FHOD1: variants seen among roughly 807,000 people sequenced by gnomAD.
FHOD1 encodes formin homology 2 domain containing 1.
FHOD1 carries 89 observed loss-of-function variants against 111.6 expected under a neutral mutation model. That is an observed-to-expected ratio of 0.80 (90% CI 0.67 to 0.95). The LOEUF is 0.95. Ranked by LOEUF, FHOD1 falls within the 40% of genes least tolerant of loss-of-function variation. FHOD1 has a pLI of 0.00. For synonymous variants in FHOD1, 618 were observed against 639.0 expected (o/e 0.97, Z 0.50); for missense variants, 1,446 against 1,554.2 (o/e 0.93, Z 1.17).
At position 67,230,135 on chromosome 16, in the gene FHOD1, T is replaced by G; in HGVS notation, c.3145A>C (p.Ser1049Arg). The change falls in exon 20 of 22, where the codon AGT becomes CGT. Residue 1049 changes from serine to arginine, a missense_variant. Coordinates refer to ENST00000258201, the MANE Select transcript of FHOD1 (RefSeq NM_013241.3). ...AGCAGACTCTTCATACTAGCATGACTGTCAGCATCTCCCCGGCCTGGCCCG... is the reference window on the plus strand; with the variant it reads ...AGCAGACTCTTCATACTAGCATGACGGTCAGCATCTCCCCGGCCTGGCCCG... ...SSGPGRGDADSHASMKSLLTS... is the reference protein window; with the variant it reads ...SSGPGRGDADRHASMKSLLTS... The G allele has an allele frequency of 6.2e-7, 1 of 1,614,204 alleles. No homozygotes were observed.
rs199498142 is a variant in FHOD1, at chr16:67,231,491, G to A, written c.2444C>T (p.Ala815Val). The A allele has an allele frequency of 6.2e-7, 1 of 1,614,134 alleles. No homozygotes were observed. Among genetic ancestry groups the A allele is most frequent in the East Asian group, 2.2e-5 (1 of 44,878 alleles). ...KVGMEQLVQN[A>V]TFRCILATLL... ...GGTAGCCAGGATGCAGCGGAAGGTG[G>A]CATTCTGTACCAGCTGTTCCATACC... Residue 815 changes from alanine (A) to valine (V), a missense_variant, in exon 16 of 22, where the codon GCC (alanine) becomes GTC (valine). Ala to Val is a moderately conservative substitution (Grantham distance 64). This residue lies in a region of FHOD1 where 1,085 missense variants were observed against 1,108.8 expected (regional missense o/e 0.98). Transcript: ENST00000258201. This position sits in a 1 kb window ranked among gnomAD's most constrained non-coding sequence, Gnocchi z 4.3.
rs981011645 is a variant in FHOD1 at position 67,241,125 on chromosome 16, C to T, written c.202-1671G>A. Among the ~76,000 whole-genome samples, 11 of 130,078 alleles carry T rather than the reference C, an allele frequency of 8.5e-5. 1 individual carries two copies. The highest frequency in any genetic ancestry group is 1.5e-4 in the Non-Finnish European group (9 of 60,822). 85.3% of individuals were successfully genotyped at this position (130,078 alleles called of 152,430 possible). A position where few individuals can be genotyped will look rare whatever the true frequency, so the allele number is the denominator to read the frequency against. On this transcript the variant is annotated intron_variant, in intron 1 of 21. Coordinates refer to ENST00000258201, the MANE Select transcript of FHOD1 (RefSeq NM_013241.3). The stretch of plus-strand genomic sequence containing the variant: ...GGGGCCCTTGGATGACCCCCCCCCC[C>T]GCCCACCCCCGCCTGGGACCTGGGA...
rs2034163863 is a variant in FHOD1, at chr16:67,229,584, A to C, written c.*52T>G. The C allele has an allele frequency of 6.6e-7, 1 of 1,512,894 alleles. No homozygotes were observed. The highest frequency in any genetic ancestry group is 1.4e-5 in the African/African-American group (1 of 73,092). 93.7% of individuals were successfully genotyped at this position (1,512,894 alleles called of 1,614,324 possible). ...TGCTCTGGGCCCTCCTCACTCTGTCATCTCCTGCACTGCAGTCCAGGGTCC... is the reference window on the plus strand; with the variant it reads ...TGCTCTGGGCCCTCCTCACTCTGTCCTCTCCTGCACTGCAGTCCAGGGTCC... On this transcript the variant is annotated 3_prime_UTR_variant, in exon 22 of 22. Transcript: ENST00000258201.
chr16:67,234,476 A>G lies in FHOD1; in HGVS notation c.1320-4T>C. ...CACATTCTCCAGGAACCGGGCTCTG[A>G]GGGAAGGTGCTTGTCACTGACAGCG... On this transcript the variant is annotated splice_polypyrimidine_tract_variant and splice_region_variant and intron_variant, in intron 11 of 21. Coordinates refer to ENST00000258201, the MANE Select transcript of FHOD1 (RefSeq NM_013241.3). 6.3e-7 allele frequency: 1 copy of G among 1,575,850 alleles called. No homozygotes were observed. The highest frequency in any genetic ancestry group is 1.2e-5 in the South Asian group (1 of 86,880).
In FHOD1 at chr16:67,231,022, C is replaced by T; in HGVS notation, c.2667+166G>A. 1.0e-6 allele frequency: 1 copy of T among 972,474 alleles called. No homozygotes were observed. Among genetic ancestry groups the T allele is most frequent in the Non-Finnish European group, 1.5e-6 (1 of 666,602 alleles). The allele number at this position is 972,474 out of a possible 1,614,324, so 60.2% of individuals were successfully genotyped here. ...CAAAGACTGAGTAGGTGTGGCCAGG[C>T]CAATAGAGGAAAGAGCATTTCTGGC... On this transcript the variant is annotated intron_variant, in intron 17 of 21. Coordinates refer to ENST00000258201, the MANE Select transcript of FHOD1 (RefSeq NM_013241.3). The surrounding 1 kb of genome is among the most constrained non-coding windows in gnomAD (Gnocchi z 4.3).
intron 11 of FHOD1, among the ~76,000 whole-genome samples, chr16:67,235,356 C>A (rs906018706): frequency 3.3e-5 from 5 of 152,058 alleles, no homozygotes; most frequent in Non-Finnish European, 4.4e-5. Flanking sequence ...ATGGTGAAAC[C>A]CTGTCTCTAC....
Position 67,237,087 on chromosome 16 carries a change from T to C in FHOD1, c.1021A>G (p.Ile341Val), listed in dbSNP as rs928377874. The C allele has an allele frequency of 8.7e-6, 14 of 1,612,380 alleles. No homozygotes were observed. The highest frequency in any genetic ancestry group is 1.2e-5 in the Non-Finnish European group (14 of 1,179,454). Residue 341 changes from isoleucine to valine, a missense_variant, in exon 10 of 22, where the codon ATC (isoleucine) becomes GTC (valine). Coordinates refer to ENST00000258201, the MANE Select transcript of FHOD1 (RefSeq NM_013241.3). This position sits in a 1 kb window ranked among gnomAD's most constrained non-coding sequence, Gnocchi z 5.6. Reference sequence around the variant, plus strand: ...CCACCAGCGCCTGGGGCTTCTTCGATGTCTCCATCCTCCAATTTCAGGGCG... The same window carrying C: ...CCACCAGCGCCTGGGGCTTCTTCGACGTCTCCATCCTCCAATTTCAGGGCG... ...ENALKLEDGDIEEAPGAGGRR... is the reference protein window; with the variant it reads ...ENALKLEDGDVEEAPGAGGRR...
Position 67,238,889 on chromosome 16 carries a change from T to TCTCACA in FHOD1, c.373+8_373+13dup, listed in dbSNP as rs2034588868. 1.9e-6 allele frequency: 3 copies of TCTCACA among 1,613,898 alleles called. No homozygotes were observed. The highest frequency in any genetic ancestry group is 2.5e-6 in the Non-Finnish European group (3 of 1,179,770). On this transcript the variant is annotated intron_variant, in intron 3 of 21. Coordinates refer to ENST00000258201, the MANE Select transcript of FHOD1 (RefSeq NM_013241.3). The surrounding 1 kb of genome is among the most constrained non-coding windows in gnomAD (Gnocchi z 4.2). ...AGGAGGTGCTGCTGGACATGGATGC[T>TCTCACA]CTCACACACTCACCCAAGATAGCGT...
chr16:67,238,809 C>T lies in FHOD1; in HGVS notation c.373+94G>A. ...GAGGAAGGAGCACATACAGCTAAACCTACTTTGCTCACTGTTCAGCACAGG... is the reference window on the plus strand; with the variant it reads ...GAGGAAGGAGCACATACAGCTAAACTTACTTTGCTCACTGTTCAGCACAGG... On this transcript the variant is annotated intron_variant, in intron 3 of 21. Transcript: ENST00000258201. The surrounding 1 kb of genome is among the most constrained non-coding windows in gnomAD (Gnocchi z 4.2). 8.1e-7 allele frequency: 1 copy of T among 1,230,626 alleles called. No homozygotes were observed. The highest frequency in any genetic ancestry group is 1.2e-6 in the Non-Finnish European group (1 of 831,802). The allele number at this position is 1,230,626 out of a possible 1,614,324, so 76.2% of individuals were successfully genotyped here.
At chr16:67,230,531 A>G (rs201273155) in intron 18 of FHOD1, 25 bp from the exon 19 acceptor site, 1 of 1,613,672 alleles carries the variant, frequency 6.2e-7, no homozygotes, top group Non-Finnish European at 8.5e-7. Context: ...GTAGGGAGGG[A>G]CAGTAAGTCC....
chr16:67,233,871 G>C lies in FHOD1; in HGVS notation c.1832C>G (p.Pro611Arg), dbSNP rs1440628827. ...PPPLPLAAPL[P>R]HSVPDSSALP... Reference sequence around the variant, plus strand: ...GGCTGAGCTGTCAGGCACTGAATGGGGAAGAGGGGCAGCCAGAGGTAGAGG... The same window carrying C: ...GGCTGAGCTGTCAGGCACTGAATGGCGAAGAGGGGCAGCCAGAGGTAGAGG... Residue 611 changes from proline (P) to arginine (R), a missense_variant, in exon 13 of 22, where the codon CCC (proline) becomes CGC (arginine). Pro to Arg is a moderately radical substitution (Grantham distance 103). Around this residue, in one of 3 missense-constraint regions of FHOD1, gnomAD observed 1,085 missense variants for 1,108.8 expected, o/e 0.98. Transcript: ENST00000258201. 1 of 1,599,862 alleles carries C rather than the reference G, an allele frequency of 6.3e-7. No individual in the cohort carries two copies. Among genetic ancestry groups the C allele is most frequent in the Non-Finnish European group, 8.5e-7 (1 of 1,172,716 alleles).
intron 13 of FHOD1, 119 bp downstream of exon 13, chr16:67,233,538 C>A: frequency 7.2e-7 from 1 of 1,381,776 alleles, no homozygotes. Flanking sequence ...TTTCCTACTC[C>A]TTTCTTTGCC....
intron 11 of FHOD1, chr16:67,236,265 A>C: frequency 1.2e-6 from 1 of 819,002 alleles, no homozygotes; most frequent in Non-Finnish European, 1.7e-6. Context: ...TGGAAGAGAC[A>C]GAGGCAGCAG....
rs1032635811 is a variant in FHOD1, at chr16:67,237,017, C to G, written c.1091G>C (p.Ser364Thr). The G allele has an allele frequency of 3.1e-6, 5 of 1,611,132 alleles. No homozygotes were observed. The highest frequency in any genetic ancestry group is 4.2e-6 in the Non-Finnish European group (5 of 1,178,848). The change falls in exon 10 of 22, where the codon AGC becomes ACC. Residue 364 changes from serine (S) to threonine (T), a missense_variant. Physicochemically the swap from Ser to Thr is moderately conservative, Grantham distance 58 (BLOSUM62 1). Around this residue, in one of 3 missense-constraint regions of FHOD1, gnomAD observed 1,085 missense variants for 1,108.8 expected, o/e 0.98. Transcript: ENST00000258201. This position sits in a 1 kb window ranked among gnomAD's most constrained non-coding sequence, Gnocchi z 5.6. Reference protein sequence around the residue: ...RKPSSEEGKRSRRSLEGGGCP... With the variant: ...RKPSSEEGKRTRRSLEGGGCP... ...GCCCCCGCCTTCCAGAGAACGGCGGCTCCTCTTGCCCTCCTCAGAAGAAGG... is the reference window on the plus strand; with the variant it reads ...GCCCCCGCCTTCCAGAGAACGGCGGGTCCTCTTGCCCTCCTCAGAAGAAGG...
rs755096285 is a variant in FHOD1, at chr16:67,229,873, A to G, written c.3332T>C (p.Leu1111Pro). 3 of 1,614,238 alleles carry G rather than the reference A, an allele frequency of 1.9e-6. No individual in the cohort carries two copies. Among genetic ancestry groups the G allele is most frequent in the Non-Finnish European group, 2.5e-6 (3 of 1,180,034 alleles). ...SDTSDEIMDL[L>P]VQSVTKSSPR... ...ACTGCTCTTGGTCACTGACTGCACC[A>G]GAAGGTCCATGATCTCATCTGATGT... The change falls in exon 21 of 22, where the codon CTG becomes CCG. Residue 1111 changes from leucine (L) to proline (P), a missense_variant. Leu to Pro is a moderately conservative substitution (Grantham distance 98, BLOSUM62 -3). Around this residue, in one of 3 missense-constraint regions of FHOD1, gnomAD observed 1,085 missense variants for 1,108.8 expected, o/e 0.98. Transcript: ENST00000258201.
rs757631737 is a variant in FHOD1 at position 67,231,149 on chromosome 16, T to G, written c.2667+39A>C. 2 of 1,610,124 alleles carry G rather than the reference T, an allele frequency of 1.2e-6. No individual in the cohort carries two copies. Among genetic ancestry groups the G allele is most frequent in the Non-Finnish European group, 1.7e-6 (2 of 1,177,528 alleles). On this transcript the variant is annotated intron_variant, in intron 17 of 21. Transcript: ENST00000258201. The surrounding 1 kb of genome is among the most constrained non-coding windows in gnomAD (Gnocchi z 4.3). Reference sequence around the variant, plus strand: ...CAGGCCCAGGAAGCAGCGCTCCTCATGCCTTGTCCGGCCTTGGTTGATTCT... The same window carrying G: ...CAGGCCCAGGAAGCAGCGCTCCTCAGGCCTTGTCCGGCCTTGGTTGATTCT...
Position 67,237,780 on chromosome 16 carries a change from G to A in FHOD1, c.643-12C>T, listed in dbSNP as rs2034546984. The stretch of plus-strand genomic sequence containing the variant: ...ACCACCAAGCGGGACTGAGGAGAGA[G>A]GTCAGTACATATGAGTGGGGCTTAG... On this transcript the variant is annotated splice_polypyrimidine_tract_variant and intron_variant, in intron 6 of 21. Coordinates refer to ENST00000258201, the MANE Select transcript of FHOD1 (RefSeq NM_013241.3). The surrounding 1 kb of genome is among the most constrained non-coding windows in gnomAD (Gnocchi z 5.6). 1 of 1,610,528 alleles carries A rather than the reference G, an allele frequency of 6.2e-7. No individual in the cohort carries two copies. Among genetic ancestry groups the A allele is most frequent in the African/African-American group, 1.3e-5 (1 of 74,846 alleles).
Position 67,231,302 on chromosome 16 carries a change from C to T in FHOD1, c.2553G>A (p.Lys851=), listed in dbSNP as rs1487777204. 1.2e-6 allele frequency: 2 copies of T among 1,614,162 alleles called. No individual in the cohort carries two copies. Among genetic ancestry groups the T allele is most frequent in the South Asian group, 1.1e-5 (1 of 91,086 alleles). ...LSYLEKVSEV[K]DTVRRQSLLH... is the part of the protein sequence containing the mutation. Reference sequence around the variant, plus strand: ...GCAGTGACTGTCGACGCACCGTGTCCTTCACCTCTGACACCTTCTCCAGGT... The same window carrying T: ...GCAGTGACTGTCGACGCACCGTGTCTTTCACCTCTGACACCTTCTCCAGGT... The change falls in exon 17 of 22, where the codon AAG becomes AAA. Residue 851 remains lysine, a synonymous_variant. Transcript: ENST00000258201. This position sits in a 1 kb window ranked among gnomAD's most constrained non-coding sequence, Gnocchi z 4.3.
At chr16:67,236,342 G>A (rs1597323546) in intron 11 of FHOD1, 1 of 1,406,058 alleles carries the variant, frequency 7.1e-7, no homozygotes, top group Non-Finnish European at 9.3e-7. Flanking sequence ...AACGTCGGAG[G>A]AGACAAAGGA....
Sources: gnomAD v4.1 joint callset for allele counts (sites outside exome capture counted in the v4.1 genomes callset) on GRCh38, gnomAD v4.1.1 for gene constraint, gnomAD v4.1.1 regional missense constraint, Gnocchi (gnomAD v3.1) non-coding constraint, MANE v1.5 for transcripts, NCBI Gene and HGNC (gene_info 2026-07-23, HGNC 2026-07-21) for gene names.